Variants in BTRC observed in about 807,000 individuals in gnomAD.
The protein encoded by BTRC is beta-transducin repeat containing E3 ubiquitin protein ligase, also known as F-box/WD repeat-containing protein 1A.
BTRC carries 42 observed loss-of-function variants against 85.5 expected under a neutral mutation model. That is an observed-to-expected ratio of 0.49 (90% confidence interval 0.38 to 0.64). The LOEUF (loss-of-function observed/expected upper bound fraction) is 0.64, where lower values mean the gene tolerates loss of function less well. Among genes scored for constraint, BTRC ranks in the 30% least tolerant of loss-of-function variants. BTRC has a pLI of 0.00. For synonymous variants in BTRC, 255 were observed against 263.3 expected (o/e 0.97, Z 0.30); for missense variants, 594 against 743.5 (o/e 0.80, Z 2.34).
chr10:101,429,504 T>TC (rs140231696), intron 1 of BTRC, among the ~76,000 whole-genome samples: 35,771 of 75,586 alleles, frequency 0.47, 7,115 homozygotes, highest in Middle Eastern at 0.57. Flanking sequence ...TCCTCTCCCC[T>TC]CCCCCCCTCC....
intron 2 of BTRC, among the ~76,000 whole-genome samples, chr10:101,457,766 T>A (rs773604585): frequency 2.6e-5 from 4 of 152,188 alleles, no homozygotes; most frequent in Admixed American, 2.0e-4. Context: ...CCCCTAAAAT[T>A]TATTTTTCAC....
intron 1 of BTRC, among the ~76,000 whole-genome samples, chr10:101,411,607 ATTTTTCATTCTGGAAC>A (rs1184374645): frequency 1.3e-5 from 2 of 151,954 alleles, no homozygotes; most frequent in East Asian, 3.9e-4. Context: ...CAAACATTGT[ATTTTTCATTCTGGAAC>A]TTTTTATTTC....
intron 4 of BTRC, among the ~76,000 whole-genome samples, chr10:101,499,429 G>T (rs921283973): frequency 6.6e-6 from 1 of 151,902 alleles, no homozygotes; most frequent in South Asian, 2.1e-4. Context: ...GTTTCACCAT[G>T]TTGCCCAGGC....
intron 14 of BTRC, chr10:101,551,138 C>G (rs1229659595): frequency 2.8e-6 from 1 of 360,302 alleles, no homozygotes; most frequent in Admixed American, 4.2e-5. Flanking sequence ...TCATTCCTGC[C>G]CTAGTTATCT....
intron 1 of BTRC, among the ~76,000 whole-genome samples, chr10:101,390,732 A>T (rs1943216599): frequency 6.6e-6 from 1 of 151,804 alleles, no homozygotes; most frequent in Non-Finnish European, 1.5e-5. Context: ...GCCATCCCAC[A>T]CAACCACTTT....
chr10:101,367,026 ATATATT>A (rs1564730824), intron 1 of BTRC, among the ~76,000 whole-genome samples: 2 of 59,868 alleles, frequency 3.3e-5, no homozygotes, highest in African/African-American at 5.2e-5. Context: ...ATTTATATTT[ATATATT>A]TATATATATA....
At chr10:101,377,513 A>G (rs1942821367) in intron 1 of BTRC, among the ~76,000 whole-genome samples, 1 of 152,172 alleles carries the variant, frequency 6.6e-6, no homozygotes, top group African/African-American at 2.4e-5. Context: ...TGAGAGTTCT[A>G]GTTGATCTAC....
intron 3 of BTRC, among the ~76,000 whole-genome samples, chr10:101,478,691 G>A (rs930429100): frequency 2.6e-5 from 4 of 151,276 alleles, no homozygotes; most frequent in African/African-American, 9.7e-5. Context: ...CTACTCTGGA[G>A]GATCACTTGA....
chr10:101,535,930 T>TC (rs1264896072), intron 11 of BTRC, among the ~76,000 whole-genome samples: 3 of 152,168 alleles, frequency 2.0e-5, no homozygotes, highest in Non-Finnish European at 4.4e-5. Context: ...ATCCATCCTC[T>TC]CCCTTCAGTG....
At chr10:101,520,172 C>T (rs1247678761) in intron 4 of BTRC, among the ~76,000 whole-genome samples, 1 of 151,926 alleles carries the variant, frequency 6.6e-6, no homozygotes, top group African/African-American at 2.4e-5. Context: ...GGGACAGAGT[C>T]TCGCCCTGTT....
chr10:101,494,920 A>G lies in BTRC; in HGVS notation c.324+15463A>G, dbSNP rs374292366. Among the ~76,000 whole-genome samples the G allele has an allele frequency of 4.9e-4, 75 of 152,324 alleles. 2 individuals carry two copies. In the East Asian group the frequency reaches 5.8e-3, roughly 12 times the overall value. On this transcript the variant is annotated intron_variant, in intron 4 of 14. Coordinates refer to ENST00000370187, the MANE Select transcript of BTRC (RefSeq NM_033637.4). ...GGCAGTGACATCATCATAATTTTCA[A>G]TGTTTTAAAGTGTCAGTGGTAAAGG...
intron 13 of BTRC, among the ~76,000 whole-genome samples, chr10:101,543,464 G>GTT (rs527259189): frequency 3.1e-5 from 4 of 130,528 alleles, no homozygotes; most frequent in Admixed American, 1.5e-4. Context: ...GTTTTTTTTT[G>GTT]TTTTTTTTTT....
intron 6 of BTRC, among the ~76,000 whole-genome samples, chr10:101,529,945 C>T (rs1400298128): frequency 6.6e-6 from 1 of 152,216 alleles, no homozygotes; most frequent in Non-Finnish European, 1.5e-5. Context: ...CCAGTGAGAA[C>T]AGCAGTTAGT....
chr10:101,499,597 A>G (rs1223077835), intron 4 of BTRC, among the ~76,000 whole-genome samples: 1 of 151,904 alleles, frequency 6.6e-6, no homozygotes, highest in Non-Finnish European at 1.5e-5. Context: ...TGGGTCCTTC[A>G]TATTATATTT....
At chr10:101,368,006 G>T (rs191300403) in intron 1 of BTRC, among the ~76,000 whole-genome samples, 4 of 152,294 alleles carry the variant, frequency 2.6e-5, no homozygotes, top group Admixed American at 2.0e-4. Flanking sequence ...TTAGCTTTAT[G>T]CTATGGTTTG....
intron 4 of BTRC, among the ~76,000 whole-genome samples, chr10:101,518,250 C>T (rs1474151191): frequency 6.6e-6 from 1 of 152,154 alleles, no homozygotes; most frequent in African/African-American, 2.4e-5. Flanking sequence ...ATTTATGTCC[C>T]ATATAGTTTT....
At chr10:101,461,732 TCTC>T (rs2134170118) in intron 2 of BTRC, among the ~76,000 whole-genome samples, 1 of 152,270 alleles carries the variant, frequency 6.6e-6, no homozygotes, top group Non-Finnish European at 1.5e-5. Context: ...ATGAATATGA[TCTC>T]CTACACAATG....
intron 1 of BTRC, among the ~76,000 whole-genome samples, chr10:101,404,575 A>G (rs964337649): frequency 1.3e-5 from 2 of 152,152 alleles, no homozygotes; most frequent in African/African-American, 4.8e-5. Context: ...AGATTTCTGT[A>G]GGATTGTGGT....
At chr10:101,459,123 T>A (rs528288423) in intron 2 of BTRC, among the ~76,000 whole-genome samples, 1 of 152,328 alleles carries the variant, frequency 6.6e-6, no homozygotes, top group South Asian at 2.1e-4. Flanking sequence ...TAGCACCCAA[T>A]GATGATTCTT....
Sources: allele counts gnomAD v4.1 joint callset (sites outside exome capture counted in the v4.1 genomes callset), GRCh38; gene constraint gnomAD v4.1.1; transcripts MANE v1.5; gene names NCBI Gene and HGNC (gene_info 2026-07-23, HGNC 2026-07-21).